Variants in HOOK1 observed in about 807,000 individuals in gnomAD.
The protein encoded by HOOK1 is hook microtubule tethering protein 1.
HOOK1 carries 60 observed loss-of-function variants against 112.8 expected under a neutral mutation model. The ratio of observed to expected loss-of-function variants is 0.53; its 90% CI spans 0.43 to 0.66. The LOEUF (loss-of-function observed/expected upper bound fraction) is 0.66, where lower values mean the gene tolerates loss of function less well. Among genes scored for constraint, HOOK1 ranks in the 30% least tolerant of loss-of-function variants. The pLI is 0.00. For missense variants in HOOK1, 770 were observed against 856.0 expected (o/e 0.90, Z 1.25); for synonymous variants, 294 against 283.8 (o/e 1.04, Z -0.36).
chr1:59,864,862 A>G (rs1025686453), intron 17 of HOOK1, 196 bp downstream of exon 17: 4 of 553,402 alleles, frequency 7.2e-6, no homozygotes, highest in African/African-American at 3.9e-5. Context: ...ACATCTTTCC[A>G]TTGTTAATAT....
rs1447985842 is a variant in HOOK1 at position 59,855,138 on chromosome 1, AC to A, written c.1243-3289del. Among the ~76,000 whole-genome samples the A allele has an allele frequency of 2.0e-5, 3 of 152,348 alleles. No individual in the cohort carries two copies. The East Asian group carries it at 5.8e-4, about 29-fold the overall frequency. On this transcript the variant is annotated intron_variant, in intron 12 of 21. Coordinates refer to ENST00000371208, the MANE Select transcript of HOOK1 (RefSeq NM_015888.6). ...TTTTCTTTTAAACAAAAACAAAAAA[AC>A]AACACTTTATTTTAGGTTCAGGGAT...
At chr1:59,867,998 C>A (rs557059574) in intron 19 of HOOK1, among the ~76,000 whole-genome samples, 6 of 152,048 alleles carry the variant, frequency 3.9e-5, no homozygotes, top group South Asian at 4.2e-4. Flanking sequence ...ATGTACTGAG[C>A]CTTGGAGAAG....
rs899930602 is a variant in HOOK1 at position 59,868,349 on chromosome 1, G to A, written c.1945G>A (p.Glu649Lys). Residue 649 changes from glutamate to lysine, a missense_variant and splice_region_variant, in exon 20 of 22, where the codon GAG (glutamate) becomes AAG (lysine). Transcript: ENST00000371208. The stretch of plus-strand genomic sequence containing the variant: ...GAAAGAGAGAAGAATTGAGATTCTG[G>A]AGGTAAAACTTTTATATTTACTCAT... ...AEKERRIEIL[E>K]SECKVAKFRD... 10 of 1,553,900 alleles carry A rather than the reference G, an allele frequency of 6.4e-6. No homozygotes were observed. The highest frequency in any genetic ancestry group is 1.8e-4 in the Middle Eastern group (1 of 5,444).
At chr1:59,840,773 A>T (rs554475531) in intron 8 of HOOK1, among the ~76,000 whole-genome samples, 1 of 152,192 alleles carries the variant, frequency 6.6e-6, no homozygotes, top group South Asian at 2.1e-4. Context: ...CCCCCCAGTA[A>T]ATTCAAGTAC....
intron 12 of HOOK1, among the ~76,000 whole-genome samples, chr1:59,854,019 T>C (rs1559056855): frequency 4.1e-5 from 1 of 24,230 alleles, no homozygotes; most frequent in Non-Finnish European, 1.0e-4. Context: ...TATATATATA[T>C]ATATATATAT....
At position 59,864,678 on chromosome 1, in the gene HOOK1, T is replaced by C; in HGVS notation, c.1661+12T>C. On this transcript the variant is annotated intron_variant, in intron 17 of 21. Coordinates refer to ENST00000371208, the MANE Select transcript of HOOK1 (RefSeq NM_015888.6). ...TTGGAAGCTCATATGTAAGTAAAAC[T>C]GATATTTCTTTTCAAATATGAGAAG... 1 of 1,474,242 alleles carries C rather than the reference T, an allele frequency of 6.8e-7. No individual in the cohort carries two copies. Among genetic ancestry groups the C allele is most frequent in the African/African-American group, 1.4e-5 (1 of 71,308 alleles). The allele number at this position is 1,474,242 out of a possible 1,614,324, so 91.3% of individuals were successfully genotyped here.
chr1:59,818,503 G>T (rs2098383190), intron 1 of HOOK1, among the ~76,000 whole-genome samples: 1 of 152,088 alleles, frequency 6.6e-6, no homozygotes, highest in Non-Finnish European at 1.5e-5. Flanking sequence ...GGTAAATGTG[G>T]GTATCATTTA....
intron 3 of HOOK1, among the ~76,000 whole-genome samples, chr1:59,829,869 T>A (rs2098392540): frequency 6.6e-6 from 1 of 152,086 alleles, no homozygotes; most frequent in Admixed American, 6.5e-5. Flanking sequence ...ACCACCATCT[T>A]AGCCACATCC....
chr1:59,853,888 G>A (rs966602513), intron 12 of HOOK1, among the ~76,000 whole-genome samples: 1 of 149,352 alleles, frequency 6.7e-6, no homozygotes, highest in Non-Finnish European at 1.5e-5. Context: ...GCTTTATGCT[G>A]TTACATCTTT....
chr1:59,842,470 C>T (rs2098401527), intron 8 of HOOK1, among the ~76,000 whole-genome samples: 1 of 152,064 alleles, frequency 6.6e-6, no homozygotes, highest in South Asian at 2.1e-4. Context: ...TGCCCAGGGA[C>T]AGTTTCCCAG....
In HOOK1 at chr1:59,844,463, G is replaced by A. The variant is rs887224411; in HGVS notation, c.788+865G>A. ...ATTTCATTTCTGTTAGTAAATTTGT[G>A]CCTGTATGACACTATATTAATTACT... On this transcript the variant is annotated intron_variant, in intron 9 of 21. Coordinates refer to ENST00000371208, the MANE Select transcript of HOOK1 (RefSeq NM_015888.6). 3.3e-5 allele frequency among the ~76,000 whole-genome samples: 5 copies of A among 151,912 alleles called. No homozygotes were observed. The South Asian group carries it at 1.0e-3, about 32-fold the overall frequency.
chr1:59,845,196 C>T (rs2098403049), intron 9 of HOOK1, among the ~76,000 whole-genome samples: 1 of 151,862 alleles, frequency 6.6e-6, no homozygotes, highest in Non-Finnish European at 1.5e-5. Flanking sequence ...TCCCTTTAAC[C>T]TCTTTCATAA....
chr1:59,833,567 C>A, intron 5 of HOOK1, 30 bp downstream of exon 5: 1 of 1,499,406 alleles, frequency 6.7e-7, no homozygotes, highest in Non-Finnish European at 9.0e-7. Flanking sequence ...TTGAGGATTT[C>A]TACTTTCTAG....
chr1:59,853,646 T>C (rs1207705820), intron 12 of HOOK1, among the ~76,000 whole-genome samples: 2 of 152,036 alleles, frequency 1.3e-5, no homozygotes, highest in African/African-American at 2.4e-5. Context: ...TTTCTGTATG[T>C]CTTTTTTTCT....
rs527701415 is a variant in HOOK1 at position 59,815,516 on chromosome 1, TCCCC to T, written c.63+338_63+341del. Among the ~76,000 whole-genome samples the T allele has an allele frequency of 2.3e-3, 351 of 150,994 alleles. 2 individuals are homozygous for T. The highest frequency in any genetic ancestry group is 4.4e-3 in the Non-Finnish European group (300 of 67,662). On this transcript the variant is annotated intron_variant, in intron 1 of 21. Transcript: ENST00000371208. The stretch of plus-strand genomic sequence containing the variant: ...CTTTTCTCCCCGCTGCCCCATTTTC[TCCCC>T]CTGAACAGCGCCCGAGCCCTCCACT...
intron 1 of HOOK1, 89 bp downstream of exon 1, chr1:59,815,269 AC>A: frequency 2.4e-6 from 3 of 1,264,350 alleles, no homozygotes; most frequent in Non-Finnish European, 3.3e-6. Flanking sequence ...AGCTGGGGCT[AC>A]CTGCACAGGG....
intron 2 of HOOK1, among the ~76,000 whole-genome samples, chr1:59,822,881 A>G (rs2098386633): frequency 6.6e-6 from 1 of 152,236 alleles, no homozygotes; most frequent in Non-Finnish European, 1.5e-5. Flanking sequence ...AATCTTCAAA[A>G]TGATCTCTTG....
At position 59,847,062 on chromosome 1, in the gene HOOK1, A is replaced by G. The variant is rs771197322; in HGVS notation, c.806A>G (p.Asp269Gly). The stretch of plus-strand genomic sequence containing the variant: ...TGTTCAAGGCTTGAAGCTGCAAAAG[A>G]TGATTACCGTGTTCACTGTGAAGAA... Reference protein sequence around the residue: ...EENFRLEAAKDDYRVHCEELE... With the variant: ...EENFRLEAAKGDYRVHCEELE... The change falls in exon 10 of 22, where the codon GAT (aspartate) becomes GGT (glycine). Residue 269 changes from aspartate to glycine, a missense_variant. Transcript: ENST00000371208. The G allele has an allele frequency of 1.3e-6, 2 of 1,597,772 alleles. No individual in the cohort carries two copies. Among genetic ancestry groups the G allele is most frequent in the Admixed American group, 1.8e-5 (1 of 55,266 alleles).
At chr1:59,859,885 A>G (rs2098412649) in intron 14 of HOOK1, among the ~76,000 whole-genome samples, 2 of 152,094 alleles carry the variant, frequency 1.3e-5, no homozygotes. Flanking sequence ...AATTTCTATT[A>G]TCTCTTCAGG....
Sources: gnomAD v4.1 joint callset for allele counts (sites outside exome capture counted in the v4.1 genomes callset) on GRCh38, gnomAD v4.1.1 for gene constraint, MANE v1.5 for transcripts, NCBI Gene and HGNC (gene_info 2026-07-23, HGNC 2026-07-21) for gene names.